The following ABCA5 variants were observed in gnomAD, a reference collection of about 807,000 sequenced individuals.
ABCA5 encodes cholesterol transporter ABCA5.
Under a neutral mutation model 206.0 loss-of-function variants are expected in ABCA5, and 163 were observed. The observed-to-expected ratio is 0.79, with a 90% CI of 0.70 to 0.90. The LOEUF is 0.90. Ranked by LOEUF, ABCA5 falls within the 40% of genes least tolerant of loss-of-function variation. ABCA5 has a pLI of 0.00. For missense variants in ABCA5, 1,859 were observed against 1,912.9 expected, an observed-to-expected ratio of 0.97 and a Z score of 0.53; for synonymous variants, 609 against 613.8, an observed-to-expected ratio of 0.99 and a Z score of 0.11.
At chr17:69,307,044 C>G in intron 5 of ABCA5, 90 bp from the exon 6 acceptor site, 2 of 805,746 alleles carry the variant, frequency 2.5e-6, no homozygotes, top group Non-Finnish European at 3.6e-6. Flanking sequence ...TAAATTTGGT[C>G]AGTAACCTAG....
chr17:69,247,778 AT>A, intron 38 of ABCA5, 134 bp from the exon 39 acceptor site: 1 of 482,932 alleles, frequency 2.1e-6, no homozygotes, highest in Non-Finnish European at 3.6e-6. Context: ...TAACATTAAC[AT>A]TATTCAAACA....
intron 1 of ABCA5, among the ~76,000 whole-genome samples, chr17:69,323,378 G>C (rs1355146146): frequency 6.6e-6 from 1 of 152,098 alleles, no homozygotes; most frequent in Non-Finnish European, 1.5e-5. Flanking sequence ...GCATCCCCAG[G>C]CCTTGCCTAT....
chr17:69,272,596 T>C (rs966734295), intron 20 of ABCA5, among the ~76,000 whole-genome samples: 13 of 152,156 alleles, frequency 8.5e-5, no homozygotes, highest in Non-Finnish European at 1.3e-4. Context: ...GTAAGGATTA[T>C]ATATTAGCAA....
intron 9 of ABCA5, among the ~76,000 whole-genome samples, chr17:69,298,233 A>AAGGC (rs1352831325): frequency 1.5e-5 from 1 of 68,086 alleles, no homozygotes; most frequent in East Asian, 4.4e-4. Flanking sequence ...GGTAGGTAGG[A>AAGGC]AGGAAGGAAG....
intron 1 of ABCA5, chr17:69,317,733 G>C (rs2075830214): frequency 6.6e-6 from 1 of 152,146 alleles, no homozygotes; most frequent in Admixed American, 6.5e-5. Context: ...CCCTCTTCCA[G>C]GGTACATTTA....
intron 35 of ABCA5, 195 bp downstream of exon 35, chr17:69,251,552 G>T: frequency 1.6e-6 from 1 of 629,078 alleles, no homozygotes; most frequent in Non-Finnish European, 2.5e-6. Flanking sequence ...AATATTAAGT[G>T]AATTCAAATT....
chr17:69,321,454 T>C (rs2145055442), intron 1 of ABCA5, among the ~76,000 whole-genome samples: 2 of 152,352 alleles, frequency 1.3e-5, no homozygotes, highest in Middle Eastern at 6.8e-3. Flanking sequence ...CATGGAGCTA[T>C]ACATTTCCTC....
At position 69,293,164 on chromosome 17, in the gene ABCA5, T is replaced by TACACACACACAC. The variant is rs141471808; in HGVS notation, c.1495+1479_1495+1490dup. Among the ~76,000 whole-genome samples, 696 of 149,966 alleles carry TACACACACACAC rather than the reference T, an allele frequency of 4.6e-3. 9 individuals are homozygous for TACACACACACAC. The highest frequency in any genetic ancestry group is 0.016 in the African/African-American group (640 of 40,984). On this transcript the variant is annotated intron_variant, in intron 11 of 38. Coordinates refer to ENST00000392676, the MANE Select transcript of ABCA5 (RefSeq NM_172232.4). ...CAGTCAGTCTCCAGAACCAACAGAA[T>TACACACACACAC]ACACACACACACACACACAATGGAG...
intron 34 of ABCA5, 22 bp from the exon 35 acceptor site, chr17:69,251,888 A>C (rs1204007204): frequency 1.2e-6 from 2 of 1,607,942 alleles, no homozygotes; most frequent in Non-Finnish European, 1.7e-6. Context: ...AAATAAAACA[A>C]AAAGAGAGGA....
intron 28 of ABCA5, among the ~76,000 whole-genome samples, chr17:69,257,476 T>C (rs9907148): frequency 0.16 from 24,539 of 151,988 alleles, 2,162 homozygotes; most frequent in African/African-American, 0.23. Context: ...AGTTATCTTA[T>C]TGAAAATAGT....
At chr17:69,258,541 G>A (rs983969369) in intron 28 of ABCA5, among the ~76,000 whole-genome samples, 13 of 152,092 alleles carry the variant, frequency 8.5e-5, no homozygotes, top group Non-Finnish European at 5.9e-5. Flanking sequence ...CACTAGGACT[G>A]TGGACTCCAA....
chr17:69,278,332 G>A (rs550724013), intron 18 of ABCA5, among the ~76,000 whole-genome samples: 3 of 152,128 alleles, frequency 2.0e-5, no homozygotes, highest in South Asian at 2.1e-4. Flanking sequence ...CAACTTTTAT[G>A]TGAACTTTTC....
chr17:69,277,915 T>A, intron 18 of ABCA5, 73 bp from the exon 19 acceptor site: 1 of 1,162,744 alleles, frequency 8.6e-7, no homozygotes, highest in Non-Finnish European at 1.2e-6. Context: ...AGCAGGAACA[T>A]TTAAAGAAGC....
intron 1 of ABCA5, among the ~76,000 whole-genome samples, chr17:69,318,570 C>T (rs1567786026): frequency 6.6e-6 from 1 of 150,868 alleles, no homozygotes; most frequent in Admixed American, 6.6e-5. Context: ...GTATTACTTA[C>T]ATAGTAAAAA....
At chr17:69,265,315 C>G (rs1237023482) in intron 23 of ABCA5, among the ~76,000 whole-genome samples, 1 of 152,014 alleles carries the variant, frequency 6.6e-6, no homozygotes, top group African/African-American at 2.4e-5. Flanking sequence ...TAAAAATGAA[C>G]CTTTCATAAA....
At chr17:69,316,365 C>T (rs1157607667) in intron 1 of ABCA5, among the ~76,000 whole-genome samples, 1 of 151,674 alleles carries the variant, frequency 6.6e-6, no homozygotes, top group Non-Finnish European at 1.5e-5. Context: ...TGGTGGTGGG[C>T]GCCTGTAATC....
chr17:69,269,837 T>G (rs1393120834), intron 22 of ABCA5, among the ~76,000 whole-genome samples: 1 of 152,194 alleles, frequency 6.6e-6, no homozygotes, highest in African/African-American at 2.4e-5. Flanking sequence ...ACTGTATGAT[T>G]CCATTTATAT....
intron 9 of ABCA5, among the ~76,000 whole-genome samples, chr17:69,299,615 TGTATGTTCTCA>T (rs1340881872): frequency 6.6e-6 from 1 of 151,832 alleles, no homozygotes; most frequent in Non-Finnish European, 1.5e-5. Context: ...AACCAAATAT[TGTATGTTCTCA>T]CTCATAAGTG....
chr17:69,251,808 A>G lies in ABCA5; in HGVS notation c.4474T>C (p.Tyr1492His). The G allele has an allele frequency of 6.2e-7, 1 of 1,613,998 alleles. No homozygotes were observed. Among genetic ancestry groups the G allele is most frequent in the East Asian group, 2.2e-5 (1 of 44,862 alleles). Residue 1492 changes from tyrosine (Y) to histidine (H), a missense_variant, in exon 35 of 39, where the codon TAT becomes CAT. By Grantham distance (83) the Tyr-to-His change is moderately conservative. Transcript: ENST00000392676. ...RKRAAILTTH[Y>H]MEEAEAVCDR... is the part of the protein sequence containing the mutation. ...CAGACAGCCTCTGCCTCCTCCATAT[A>G]GTGAGTGGTCAGAATAGCAGCCCGC...
Sources: allele counts gnomAD v4.1 joint callset (sites outside exome capture counted in the v4.1 genomes callset), GRCh38; gene constraint gnomAD v4.1.1; transcripts MANE v1.5; gene names NCBI Gene and HGNC (gene_info 2026-07-23, HGNC 2026-07-21).